FHOD3: variants seen among roughly 807,000 people sequenced by gnomAD.
FHOD3 encodes FH1/FH2 domain-containing protein 3.
Under a neutral mutation model 173.0 loss-of-function variants are expected in FHOD3, and 90 were observed. The ratio of observed to expected loss-of-function variants is 0.52; its 90% CI spans 0.44 to 0.62. FHOD3 has a LOEUF of 0.62. Among genes scored for constraint, FHOD3 ranks in the 20% least tolerant of loss-of-function variants. The pLI is 0.00. For synonymous variants in FHOD3, 828 were observed against 823.0 expected, an observed-to-expected ratio of 1.01 and a Z score of -0.10; for missense variants, 1,945 against 2,034.7, an observed-to-expected ratio of 0.96 and a Z score of 0.85.
chr18:36,401,960 T>A (rs2146685362), intron 3 of FHOD3, among the ~76,000 whole-genome samples: 1 of 152,362 alleles, frequency 6.6e-6, no homozygotes, highest in Admixed American at 6.5e-5. Flanking sequence ...TAATGAACCC[T>A]TGTATACAAG....
intron 3 of FHOD3, among the ~76,000 whole-genome samples, chr18:36,475,688 C>G (rs796759193): frequency 1.3e-5 from 2 of 149,656 alleles, no homozygotes; most frequent in African/African-American, 4.9e-5. Context: ...ACAAATAGAG[C>G]AATGTATACC....
rs571145999 is a variant in FHOD3 at position 36,622,741 on chromosome 18, C to T, written c.958-2770C>T. The stretch of plus-strand genomic sequence containing the variant: ...CCTAAATAAGCCTTGGGTGAAAAGC[C>T]GTACTCTCCAGGTGTTTTCTAGCTC... On this transcript the variant is annotated intron_variant, in intron 9 of 28. Coordinates refer to ENST00000590592, the MANE Select transcript of FHOD3 (RefSeq NM_001281740.3). 1.6e-4 allele frequency among the ~76,000 whole-genome samples: 24 copies of T among 152,238 alleles called. No homozygotes were observed. In the South Asian group the frequency reaches 4.6e-3, roughly 29 times the overall value.
At chr18:36,335,001 A>C (rs1269508374) in intron 1 of FHOD3, among the ~76,000 whole-genome samples, 1 of 152,150 alleles carries the variant, frequency 6.6e-6, no homozygotes, top group Non-Finnish European at 1.5e-5. Context: ...GGTGTGCCTG[A>C]GGCCTGTCCC....
At chr18:36,637,553 G>A (rs540483140) in intron 10 of FHOD3, among the ~76,000 whole-genome samples, 90 of 152,174 alleles carry the variant, frequency 5.9e-4, no homozygotes, top group Non-Finnish European at 8.5e-4. Flanking sequence ...ACCGTACTAG[G>A]CCCCAACTCC....
rs138556028 is a variant in FHOD3, at chr18:36,367,739, C to T, written c.273-4941C>T. Among the ~76,000 whole-genome samples the T allele has an allele frequency of 9.9e-5, 15 of 152,252 alleles. No individual in the cohort carries two copies. The East Asian group carries it at 2.7e-3, about 27-fold the overall frequency. On this transcript the variant is annotated intron_variant, in intron 2 of 28. Transcript: ENST00000590592. ...TCTATCTATCTGATATGGATTGGCT[C>T]TGTGTCCCCAACCAAACCTTGTCTC...
intron 3 of FHOD3, among the ~76,000 whole-genome samples, chr18:36,424,741 C>T (rs1030500006): frequency 1.2e-4 from 19 of 152,328 alleles, no homozygotes; most frequent in African/African-American, 2.2e-4. Context: ...AAATATTAAA[C>T]GGACAATTCC....
chr18:36,352,117 T>C (rs920632438), intron 1 of FHOD3, among the ~76,000 whole-genome samples: 2 of 151,992 alleles, frequency 1.3e-5, no homozygotes, highest in African/African-American at 4.8e-5. Flanking sequence ...TAGCTATTAC[T>C]AAAAATTAAA....
At chr18:36,548,583 T>C (rs2057509577) in intron 5 of FHOD3, among the ~76,000 whole-genome samples, 2 of 152,250 alleles carry the variant, frequency 1.3e-5, no homozygotes, top group South Asian at 4.1e-4. Flanking sequence ...GATTCTCTTT[T>C]ATCCCAATGC....
At chr18:36,562,597 C>T (rs934920126) in intron 5 of FHOD3, among the ~76,000 whole-genome samples, 6 of 152,130 alleles carry the variant, frequency 3.9e-5, no homozygotes, top group Non-Finnish European at 7.4e-5. Flanking sequence ...CCTCCTACTT[C>T]GTACCTATCC....
At chr18:36,737,571 A>G (rs2041700070) in intron 20 of FHOD3, among the ~76,000 whole-genome samples, 1 of 152,154 alleles carries the variant, frequency 6.6e-6, no homozygotes, top group South Asian at 2.1e-4. Flanking sequence ...CAGTGATTGG[A>G]GCCCTGGTGA....
intron 3 of FHOD3, among the ~76,000 whole-genome samples, chr18:36,415,524 A>G (rs894434628): frequency 6.6e-6 from 1 of 152,222 alleles, no homozygotes; most frequent in Non-Finnish European, 1.5e-5. Flanking sequence ...TTTAAATTAC[A>G]TGATTTGGTC....
chr18:36,709,473 A>G, intron 18 of FHOD3, 82 bp downstream of exon 18: 1 of 1,461,872 alleles, frequency 6.8e-7, no homozygotes, highest in Non-Finnish European at 9.2e-7. Flanking sequence ...GCTTGTCCAC[A>G]GGCTGGCCTC....
At chr18:36,337,977 G>A (rs138877675) in intron 1 of FHOD3, among the ~76,000 whole-genome samples, 1 of 152,220 alleles carries the variant, frequency 6.6e-6, no homozygotes, top group Non-Finnish European at 1.5e-5. Context: ...TCAACAAGTA[G>A]AGGTGTTTGG....
intron 17 of FHOD3, among the ~76,000 whole-genome samples, chr18:36,707,014 A>G (rs1374049629): frequency 6.6e-6 from 1 of 152,202 alleles, no homozygotes; most frequent in African/African-American, 2.4e-5. Context: ...AGAAATTACC[A>G]TAAAAATTCC....
chr18:36,504,052 T>C (rs914409391), intron 4 of FHOD3, among the ~76,000 whole-genome samples: 2 of 152,116 alleles, frequency 1.3e-5, no homozygotes, highest in Non-Finnish European at 2.9e-5. Context: ...AGCCTCCTAA[T>C]TGAGATTACA....
chr18:36,754,432 T>C (rs2042538531), intron 24 of FHOD3, among the ~76,000 whole-genome samples: 1 of 152,192 alleles, frequency 6.6e-6, no homozygotes, highest in East Asian at 1.9e-4. Context: ...TAATTTCTTT[T>C]ACAACATTTT....
chr18:36,498,804 A>G (rs1599390444), intron 3 of FHOD3, among the ~76,000 whole-genome samples: 1 of 152,234 alleles, frequency 6.6e-6, no homozygotes, highest in East Asian at 1.9e-4. Flanking sequence ...GAAATTTTCA[A>G]CAAAATATTA....
Position 36,327,778 on chromosome 18 carries a change from A to G in FHOD3, c.166-27761A>G, listed in dbSNP as rs557234162. Among the ~76,000 whole-genome samples, 22 of 152,370 alleles carry G rather than the reference A, an allele frequency of 1.4e-4. No homozygotes were observed. In the South Asian group the frequency reaches 4.6e-3, roughly 32 times the overall value. On this transcript the variant is annotated intron_variant, in intron 1 of 28. Coordinates refer to ENST00000590592, the MANE Select transcript of FHOD3 (RefSeq NM_001281740.3). Reference sequence around the variant, plus strand: ...TGCTAGAGGTTGACAAATACTTTCTACAAAGGGCCACATAGTATTTTAGTA... The same window carrying G: ...TGCTAGAGGTTGACAAATACTTTCTGCAAAGGGCCACATAGTATTTTAGTA...
chr18:36,547,776 G>A (rs1012460909), intron 5 of FHOD3, among the ~76,000 whole-genome samples: 3 of 152,208 alleles, frequency 2.0e-5, no homozygotes, highest in Admixed American at 6.5e-5. Flanking sequence ...CACCTTGTCC[G>A]CTGCCACTGT....
Sources: allele counts gnomAD v4.1 joint callset (sites outside exome capture counted in the v4.1 genomes callset), GRCh38; gene constraint gnomAD v4.1.1; transcripts MANE v1.5; gene names NCBI Gene and HGNC (gene_info 2026-07-23, HGNC 2026-07-21).